The following PDZRN4 variants were observed in gnomAD, a reference collection of about 807,000 sequenced individuals.
PDZRN4 encodes PDZ domain-containing RING finger protein 4.
PDZRN4 carries 70 observed loss-of-function variants against 99.0 expected under a neutral mutation model. The observed-to-expected ratio is 0.71, with a 90% CI of 0.58 to 0.86. The LOEUF (loss-of-function observed/expected upper bound fraction) is 0.86, where lower values mean the gene tolerates loss of function less well. Ranked by LOEUF, PDZRN4 falls within the 40% of genes least tolerant of loss-of-function variation. The pLI, the probability that PDZRN4 is intolerant of heterozygous loss-of-function variation, is 0.00. For synonymous variants in PDZRN4, 551 were observed against 501.6 expected (o/e 1.10, Z -1.32); for missense variants, 1,474 against 1,331.2 (o/e 1.11, Z -1.67).
At chr12:41,358,761 T>C (rs1463749054) in intron 3 of PDZRN4, among the ~76,000 whole-genome samples, 1 of 152,000 alleles carries the variant, frequency 6.6e-6, no homozygotes, top group African/African-American at 2.4e-5. Context: ...CTTTATTTTG[T>C]TTATACACTT....
At chr12:41,359,186 T>C (rs1350198202) in intron 3 of PDZRN4, among the ~76,000 whole-genome samples, 1 of 152,004 alleles carries the variant, frequency 6.6e-6, no homozygotes, top group East Asian at 1.9e-4. Context: ...TAACATTTTT[T>C]TTTATTCTTA....
intron 3 of PDZRN4, among the ~76,000 whole-genome samples, chr12:41,469,822 T>C (rs1315577257): frequency 2.6e-5 from 4 of 152,050 alleles, no homozygotes; most frequent in Non-Finnish European, 4.4e-5. Context: ...CCCAGCTACT[T>C]GGGAGGCTGA....
chr12:41,322,288 A>G (rs1303141419), intron 3 of PDZRN4, among the ~76,000 whole-genome samples: 2 of 151,688 alleles, frequency 1.3e-5, no homozygotes, highest in South Asian at 2.1e-4. Context: ...CGGCCTCCCA[A>G]ATGCTTGGAT....
At chr12:41,437,887 A>G (rs191019128) in intron 3 of PDZRN4, 3 of 1,613,600 alleles carry the variant, frequency 1.9e-6, no homozygotes, top group South Asian at 2.2e-5. Flanking sequence ...CTTTCAGTTC[A>G]CTTGCCTTTC....
intron 5 of PDZRN4, among the ~76,000 whole-genome samples, chr12:41,538,913 A>C (rs1450185330): frequency 2.0e-5 from 3 of 152,002 alleles, no homozygotes; most frequent in African/African-American, 4.8e-5. Flanking sequence ...ATGAAAATTT[A>C]ACAGTGCACA....
At chr12:41,390,077 G>A (rs561341220) in intron 3 of PDZRN4, among the ~76,000 whole-genome samples, 7 of 152,226 alleles carry the variant, frequency 4.6e-5, no homozygotes, top group South Asian at 2.1e-4. Context: ...TAAATCTTGG[G>A]TAGGTGCCTG....
At chr12:41,327,386 G>C (rs1951716643) in intron 3 of PDZRN4, among the ~76,000 whole-genome samples, 1 of 152,134 alleles carries the variant, frequency 6.6e-6, no homozygotes. Flanking sequence ...TTTTCCCTCT[G>C]TACCTAAGAC....
At chr12:41,298,266 GA>G (rs1782905547) in intron 3 of PDZRN4, among the ~76,000 whole-genome samples, 1 of 152,092 alleles carries the variant, frequency 6.6e-6, no homozygotes, top group Admixed American at 6.6e-5. Context: ...TACTCCCAGT[GA>G]TAATTTGTAG....
intron 3 of PDZRN4, among the ~76,000 whole-genome samples, chr12:41,352,554 C>A (rs1448859858): frequency 6.6e-6 from 1 of 151,928 alleles, no homozygotes; most frequent in African/African-American, 2.4e-5. Flanking sequence ...TAAAGTGAAA[C>A]AAAAAAATTA....
At chr12:41,199,801 G>A (rs1166329747) in intron 3 of PDZRN4, among the ~76,000 whole-genome samples, 1 of 152,142 alleles carries the variant, frequency 6.6e-6, no homozygotes, top group Non-Finnish European at 1.5e-5. Flanking sequence ...TTAAAAGTGG[G>A]AGCCAAACAA....
At chr12:41,545,696 G>T (rs563104523) in intron 5 of PDZRN4, among the ~76,000 whole-genome samples, 1 of 152,182 alleles carries the variant, frequency 6.6e-6, no homozygotes, top group African/African-American at 2.4e-5. Context: ...TAGGATTGGG[G>T]ATTTTTCTTT....
intron 3 of PDZRN4, among the ~76,000 whole-genome samples, chr12:41,202,330 G>A (rs1864611): frequency 0.6 from 91,034 of 151,880 alleles, 27,658 homozygotes; most frequent in South Asian, 0.68. Flanking sequence ...GTTTAGGGAG[G>A]TTGTGCTTTC....
chr12:41,552,844 G>C (rs1939082730), intron 6 of PDZRN4, 90 bp downstream of exon 6: 2 of 965,114 alleles, frequency 2.1e-6, no homozygotes, highest in African/African-American at 3.2e-5. Flanking sequence ...TTCCTTCAGA[G>C]GCTTGAATGT....
chr12:41,302,414 C>A (rs1339035570), intron 3 of PDZRN4, among the ~76,000 whole-genome samples: 1 of 152,084 alleles, frequency 6.6e-6, no homozygotes, highest in Non-Finnish European at 1.5e-5. Context: ...AAGGGGTGTA[C>A]ACCCCAGTTT....
chr12:41,422,232 A>G (rs1188731464), intron 3 of PDZRN4, among the ~76,000 whole-genome samples: 1 of 152,186 alleles, frequency 6.6e-6, no homozygotes, highest in African/African-American at 2.4e-5. Flanking sequence ...CAATGCACAC[A>G]TAACTTATCT....
intron 9 of PDZRN4, among the ~76,000 whole-genome samples, 154 bp downstream of exon 9, chr12:41,568,053 C>G (rs1284499159): frequency 6.6e-6 from 1 of 151,980 alleles, no homozygotes; most frequent in East Asian, 1.9e-4. Context: ...TCAAATGAAG[C>G]AGAGGGAATA....
chr12:41,555,090 G>T (rs1291115473), intron 6 of PDZRN4, among the ~76,000 whole-genome samples: 2 of 149,094 alleles, frequency 1.3e-5, no homozygotes, highest in Admixed American at 1.3e-4. Flanking sequence ...AATTAGCCAG[G>T]CGTGGTGGCA....
chr12:41,488,726 A>G (rs1937824894), intron 3 of PDZRN4, among the ~76,000 whole-genome samples: 1 of 152,208 alleles, frequency 6.6e-6, no homozygotes, highest in Admixed American at 6.5e-5. Flanking sequence ...TTGCTATTTT[A>G]TTCAGATATA....
At chr12:41,433,909 G>A (rs1004428100) in intron 3 of PDZRN4, among the ~76,000 whole-genome samples, 3 of 152,140 alleles carry the variant, frequency 2.0e-5, no homozygotes, top group African/African-American at 4.8e-5. Flanking sequence ...AATAACAAAT[G>A]TCAGTTTAAT....
Sources: allele counts gnomAD v4.1 joint callset (sites outside exome capture counted in the v4.1 genomes callset), GRCh38; gene constraint gnomAD v4.1.1; transcripts MANE v1.5; gene names NCBI Gene and HGNC (gene_info 2026-07-23, HGNC 2026-07-21).